The following LMNTD1 variants were observed in gnomAD, a reference collection of about 807,000 sequenced individuals.
The protein encoded by LMNTD1 is lamin tail domain containing 1.
LMNTD1 carries 35 observed loss-of-function variants against 50.9 expected under a neutral mutation model. The observed-to-expected ratio is 0.69, with a 90% CI of 0.53 to 0.91. LMNTD1 has a LOEUF of 0.91. LMNTD1 is among the 40% of genes least tolerant of loss of function. The pLI is 0.00. For synonymous variants in LMNTD1, 153 were observed against 161.9 expected, an observed-to-expected ratio of 0.94 and a Z score of 0.42; for missense variants, 470 against 475.5, an observed-to-expected ratio of 0.99 and a Z score of 0.11.
intron 1 of LMNTD1, among the ~76,000 whole-genome samples, chr12:25,583,391 A>T (rs890035693): frequency 6.6e-6 from 1 of 151,948 alleles, no homozygotes. Flanking sequence ...CTGGTCTTGA[A>T]CTGCTGAGCT....
intron 7 of LMNTD1, among the ~76,000 whole-genome samples, chr12:25,519,189 T>C (rs2136031505): frequency 6.6e-6 from 1 of 152,266 alleles, no homozygotes; most frequent in South Asian, 2.1e-4. Flanking sequence ...AAGATAAAAT[T>C]CCTGGATAAT....
chr12:25,634,287 A>G (rs1026434148), intron 1 of LMNTD1, among the ~76,000 whole-genome samples: 2 of 152,218 alleles, frequency 1.3e-5, no homozygotes, highest in Admixed American at 1.3e-4. Flanking sequence ...TCCTATTGAC[A>G]CTATTCCACA....
intron 9 of LMNTD1, among the ~76,000 whole-genome samples, chr12:25,490,983 G>A (rs1031314624): frequency 6.6e-6 from 1 of 152,216 alleles, no homozygotes; most frequent in Non-Finnish European, 1.5e-5. Flanking sequence ...TTATAAAAGT[G>A]AAATCAATAA....
chr12:25,544,609 A>G (rs1297841077), intron 4 of LMNTD1, among the ~76,000 whole-genome samples: 2 of 151,516 alleles, frequency 1.3e-5, no homozygotes, highest in Non-Finnish European at 3.0e-5. Context: ...TTGTTTTATA[A>G]TTTGTCTCTT....
At chr12:25,638,894 G>A (rs1386151787) in intron 1 of LMNTD1, among the ~76,000 whole-genome samples, 1 of 152,110 alleles carries the variant, frequency 6.6e-6, no homozygotes, top group African/African-American at 2.4e-5. Context: ...GAACAAAGTT[G>A]GAGGACTCCA....
intron 4 of LMNTD1, among the ~76,000 whole-genome samples, chr12:25,537,208 A>C (rs4570680): frequency 0.62 from 94,180 of 152,034 alleles, 30,543 homozygotes; most frequent in Non-Finnish European, 0.71. Context: ...GGAAGCTCGA[A>C]CTGGGTGGAG....
At chr12:25,509,248 C>A (rs1186110544) in intron 8 of LMNTD1, among the ~76,000 whole-genome samples, 1 of 152,124 alleles carries the variant, frequency 6.6e-6, no homozygotes, top group African/African-American at 2.4e-5. Context: ...GCTGGGATTA[C>A]AGGTGCACAC....
rs58304861 is a variant in LMNTD1, at chr12:25,519,587, C to CAAAAAAAAA, written c.1016+262_1016+270dup. Among the ~76,000 whole-genome samples the CAAAAAAAAA allele has an allele frequency of 1.8e-3, 173 of 94,690 alleles. 9 individuals are homozygous for CAAAAAAAAA. Among genetic ancestry groups the CAAAAAAAAA allele is most frequent in the African/African-American group, 7.8e-3 (155 of 19,926 alleles). 62.1% of individuals were successfully genotyped at this position (94,690 alleles called of 152,430 possible). A position where few individuals can be genotyped will look rare whatever the true frequency, so the allele number is the denominator to read the frequency against. ...TGGGTGACAGAGCGAGACTCTGTCT[C>CAAAAAAAAA]AAAAAAAAAAAAAAAAAAAAAGTGA... is the stretch of plus-strand genomic sequence containing the variant. On this transcript the variant is annotated intron_variant, in intron 7 of 9. Coordinates refer to ENST00000458174, the MANE Select transcript of LMNTD1 (RefSeq NM_001145728.2).
At chr12:25,637,399 A>G (rs1243289586) in intron 1 of LMNTD1, among the ~76,000 whole-genome samples, 2 of 152,178 alleles carry the variant, frequency 1.3e-5, no homozygotes, top group Non-Finnish European at 2.9e-5. Flanking sequence ...CAAATAGAGA[A>G]TACCCATTAA....
At chr12:25,574,178 C>T (rs1367219716) in intron 1 of LMNTD1, among the ~76,000 whole-genome samples, 2 of 152,180 alleles carry the variant, frequency 1.3e-5, no homozygotes, top group African/African-American at 2.4e-5. Context: ...TTCTTTGCAA[C>T]TCTAGAACCC....
chr12:25,586,702 G>A (rs1461167575), intron 1 of LMNTD1, among the ~76,000 whole-genome samples: 1 of 152,100 alleles, frequency 6.6e-6, no homozygotes, highest in African/African-American at 2.4e-5. Flanking sequence ...ATTAGATTGG[G>A]GCTGACATGA....
chr12:25,626,610 G>C (rs371171902), intron 1 of LMNTD1, among the ~76,000 whole-genome samples: 1 of 152,100 alleles, frequency 6.6e-6, no homozygotes, highest in African/African-American at 2.4e-5. Context: ...AAAGCTAAAA[G>C]TTTTGTCCTT....
chr12:25,617,592 T>C (rs1390073198), intron 1 of LMNTD1, among the ~76,000 whole-genome samples: 3 of 151,694 alleles, frequency 2.0e-5, no homozygotes, highest in African/African-American at 7.3e-5. Flanking sequence ...TTCTAGAGAG[T>C]GAAAATGGGG....
chr12:25,567,761 C>T (rs1205945803), intron 1 of LMNTD1, among the ~76,000 whole-genome samples: 2 of 152,134 alleles, frequency 1.3e-5, no homozygotes, highest in African/African-American at 4.8e-5. Flanking sequence ...TGTAAGTTCC[C>T]TGAAGCCCTC....
intron 1 of LMNTD1, among the ~76,000 whole-genome samples, chr12:25,609,770 G>A (rs887938391): frequency 6.6e-6 from 1 of 152,200 alleles, no homozygotes; most frequent in African/African-American, 2.4e-5. Flanking sequence ...CTACTGGGAG[G>A]TGTCTCCAAG....
chr12:25,507,682 C>T (rs937755757), intron 8 of LMNTD1, among the ~76,000 whole-genome samples: 1 of 152,196 alleles, frequency 6.6e-6, no homozygotes, highest in Non-Finnish European at 1.5e-5. Context: ...AAGTTCTGTT[C>T]ACATTCCATT....
At chr12:25,630,752 G>A (rs892386974) in intron 1 of LMNTD1, 1 of 152,474 alleles carries the variant, frequency 6.6e-6, no homozygotes, top group Non-Finnish European at 1.5e-5. Flanking sequence ...GGAGGAGGCA[G>A]AAAACTTCAC....
At chr12:25,553,778 GATA>G (rs1161933375), upstream of LMNTD1, among the ~76,000 whole-genome samples, 3 of 152,110 alleles carry the variant, frequency 2.0e-5, no homozygotes, top group Non-Finnish European at 2.9e-5. Context: ...AATGTTTCAT[GATA>G]ATGATAGTAT....
At chr12:25,486,783 C>T (rs1454466356) in intron 9 of LMNTD1, among the ~76,000 whole-genome samples, 4 of 149,920 alleles carry the variant, frequency 2.7e-5, no homozygotes, top group Non-Finnish European at 5.9e-5. Flanking sequence ...TTGTCTTTGG[C>T]TCTGTTTATA....
Sources: allele counts gnomAD v4.1 joint callset (sites outside exome capture counted in the v4.1 genomes callset), GRCh38; gene constraint gnomAD v4.1.1; transcripts MANE v1.5; gene names NCBI Gene and HGNC (gene_info 2026-07-23, HGNC 2026-07-21).